GALNTL6: variants seen among roughly 807,000 people sequenced by gnomAD.
GALNTL6 encodes polypeptide N-acetylgalactosaminyltransferase-like 6.
A neutral mutation model predicts 73.7 loss-of-function variants in GALNTL6; 46 were observed. The ratio of observed to expected loss-of-function variants is 0.62; its 90% CI spans 0.49 to 0.80. GALNTL6 has a LOEUF of 0.80. Ranked by LOEUF, GALNTL6 falls within the 30% of genes least tolerant of loss-of-function variation. The pLI is 0.00. For synonymous variants in GALNTL6, 259 were observed against 263.7 expected (o/e 0.98, Z 0.17); for missense variants, 604 against 755.0 (o/e 0.80, Z 2.34).
At chr4:171,924,821 T>C (rs1737930730) in intron 2 of GALNTL6, among the ~76,000 whole-genome samples, 1 of 152,166 alleles carries the variant, frequency 6.6e-6, no homozygotes. Flanking sequence ...GTATCAACTA[T>C]AACAAATTAG....
rs554553970 is a variant in GALNTL6, at chr4:172,176,233, A to C, written c.139-53423A>C. Among the ~76,000 whole-genome samples, 19 of 150,310 alleles carry C rather than the reference A, an allele frequency of 1.3e-4. No individual in the cohort carries two copies. The South Asian group carries it at 4.1e-3, about 33-fold the overall frequency. Reference sequence around the variant, plus strand: ...CGGGCACCTGTAGTCCCAGCTACTCAAAAGGCTGAGGCAGGAGAATGGCGT... The same window carrying C: ...CGGGCACCTGTAGTCCCAGCTACTCCAAAGGCTGAGGCAGGAGAATGGCGT... On this transcript the variant is annotated intron_variant, in intron 2 of 12. Coordinates refer to ENST00000506823, the MANE Select transcript of GALNTL6 (RefSeq NM_001034845.3).
At chr4:173,022,090 A>AGAAGGAAGGAAAGAAG (rs1753028651) in intron 12 of GALNTL6, among the ~76,000 whole-genome samples, 1 of 66,204 alleles carries the variant, frequency 1.5e-5, no homozygotes, top group African/African-American at 6.4e-5. Context: ...AAGGAAGGAA[A>AGAAGGAAGGAAAGAAG]GAAGGAAGGA....
chr4:172,310,737 A>G (rs993372467), intron 3 of GALNTL6, among the ~76,000 whole-genome samples: 5 of 152,150 alleles, frequency 3.3e-5, no homozygotes, highest in African/African-American at 4.8e-5. Flanking sequence ...AATAGATACT[A>G]AAAGTGATAC....
At chr4:171,960,259 T>C (rs886759125) in intron 2 of GALNTL6, among the ~76,000 whole-genome samples, 2 of 152,102 alleles carry the variant, frequency 1.3e-5, no homozygotes, top group African/African-American at 4.8e-5. Flanking sequence ...TGAGTTAAAA[T>C]AGGACAGCTT....
intron 11 of GALNTL6, 41 bp downstream of exon 11, chr4:173,009,335 G>T: frequency 8.9e-7 from 1 of 1,126,132 alleles, no homozygotes; most frequent in South Asian, 1.2e-5. Context: ...GGAACCAGTC[G>T]GGGGCTGATG....
chr4:171,822,980 T>C (rs887228486), intron 2 of GALNTL6, among the ~76,000 whole-genome samples: 1 of 152,176 alleles, frequency 6.6e-6, no homozygotes, highest in African/African-American at 2.4e-5. Context: ...CAGGTTCTTC[T>C]ATATAACTGA....
At chr4:172,954,643 T>A (rs1424296716) in intron 10 of GALNTL6, among the ~76,000 whole-genome samples, 2 of 152,102 alleles carry the variant, frequency 1.3e-5, no homozygotes, top group Non-Finnish European at 2.9e-5. Flanking sequence ...ATTTTTTAAA[T>A]TTTTTGTAGA....
At chr4:172,274,518 A>G (rs1463886935) in intron 3 of GALNTL6, among the ~76,000 whole-genome samples, 1 of 152,208 alleles carries the variant, frequency 6.6e-6, no homozygotes, top group Non-Finnish European at 1.5e-5. Flanking sequence ...AAGATAATTA[A>G]TGGGTGGTTG....
intron 5 of GALNTL6, among the ~76,000 whole-genome samples, chr4:172,749,463 C>A (rs1042794698): frequency 1.3e-4 from 19 of 151,988 alleles, no homozygotes; most frequent in Non-Finnish European, 1.9e-4. Context: ...TGTGAAGGTT[C>A]TTTTATAAAT....
intron 7 of GALNTL6, among the ~76,000 whole-genome samples, chr4:172,817,688 A>G (rs1037046778): frequency 1.3e-5 from 2 of 152,202 alleles, no homozygotes; most frequent in African/African-American, 4.8e-5. Context: ...TTTGCTTTCT[A>G]AAAGTTTAGA....
intron 5 of GALNTL6, among the ~76,000 whole-genome samples, chr4:172,489,006 T>C (rs1247470005): frequency 6.6e-6 from 1 of 152,194 alleles, no homozygotes; most frequent in Non-Finnish European, 1.5e-5. Flanking sequence ...TACAAATACC[T>C]GCAAAGAATT....
intron 5 of GALNTL6, among the ~76,000 whole-genome samples, chr4:172,573,496 A>C (rs1164966103): frequency 6.6e-6 from 1 of 152,178 alleles, no homozygotes; most frequent in Non-Finnish European, 1.5e-5. Flanking sequence ...CTCACTCCCA[A>C]GGATTTGAAG....
chr4:173,038,239 G>A (rs553313005), intron 12 of GALNTL6, among the ~76,000 whole-genome samples: 1 of 152,332 alleles, frequency 6.6e-6, no homozygotes, highest in African/African-American at 2.4e-5. Context: ...ACTATTGGTT[G>A]GGGCTGGGAG....
intron 5 of GALNTL6, among the ~76,000 whole-genome samples, chr4:172,647,090 T>C (rs995980174): frequency 1.3e-5 from 2 of 151,932 alleles, no homozygotes; most frequent in African/African-American, 4.8e-5. Flanking sequence ...AAAAATTAGG[T>C]CCTAACTTTT....
intron 5 of GALNTL6, among the ~76,000 whole-genome samples, chr4:172,571,326 GT>G (rs1736753428): frequency 6.6e-6 from 1 of 152,190 alleles, no homozygotes; most frequent in East Asian, 1.9e-4. Flanking sequence ...GCTAGGTGAA[GT>G]GACAAATGAA....
At chr4:171,944,002 C>T (rs1327708982) in intron 2 of GALNTL6, among the ~76,000 whole-genome samples, 1 of 151,768 alleles carries the variant, frequency 6.6e-6, no homozygotes, top group Non-Finnish European at 1.5e-5. Flanking sequence ...ATATTATATC[C>T]TAAACTAAAT....
At chr4:172,016,707 T>C (rs11726044) in intron 2 of GALNTL6, among the ~76,000 whole-genome samples, 24,154 of 151,908 alleles carry the variant, frequency 0.16, 2,296 homozygotes, top group East Asian at 0.23. Flanking sequence ...AGACTATTTC[T>C]TAAAATTATT....
intron 2 of GALNTL6, among the ~76,000 whole-genome samples, chr4:172,130,709 A>AT (rs1733465190): frequency 6.6e-6 from 1 of 152,142 alleles, no homozygotes; most frequent in South Asian, 2.1e-4. Flanking sequence ...TAATCACATG[A>AT]TTTTTAACAT....
intron 2 of GALNTL6, among the ~76,000 whole-genome samples, chr4:171,963,068 C>CTTT (rs35330466): frequency 7.0e-6 from 1 of 143,432 alleles, no homozygotes; most frequent in Non-Finnish European, 1.5e-5. Context: ...GCCCAACCTA[C>CTTT]TTTTTTTTTT....
Sources: gnomAD v4.1 joint callset for allele counts (sites outside exome capture counted in the v4.1 genomes callset) on GRCh38, gnomAD v4.1.1 for gene constraint, MANE v1.5 for transcripts, NCBI Gene and HGNC (gene_info 2026-07-23, HGNC 2026-07-21) for gene names.